Variants in MAD1L1 observed in about 807,000 individuals in gnomAD.
The protein encoded by MAD1L1 is mitotic spindle assembly checkpoint protein MAD1.
In MAD1L1, 95 loss-of-function variants were observed where a neutral mutation model predicts 96.9. The ratio of observed to expected loss-of-function variants is 0.98; its 90% confidence interval spans 0.83 to 1.16. The LOEUF (loss-of-function observed/expected upper bound fraction) is 1.16, where lower values mean the gene tolerates loss of function less well. MAD1L1 is among the 50% of genes most tolerant of loss of function. MAD1L1 has a pLI of 0.00. For synonymous variants in MAD1L1, 473 were observed against 396.6 expected (o/e 1.19, Z -2.29); for missense variants, 1,007 against 954.4 (o/e 1.06, Z -0.73).
At chr7:2,044,460 G>C (rs1783831810) in intron 12 of MAD1L1, among the ~76,000 whole-genome samples, 2 of 152,206 alleles carry the variant, frequency 1.3e-5, no homozygotes, top group Non-Finnish European at 2.9e-5. Context: ...TGGGGACGCT[G>C]TGAACACACT....
chr7:2,190,155 A>C (rs563928712), intron 10 of MAD1L1, among the ~76,000 whole-genome samples: 1 of 152,348 alleles, frequency 6.6e-6, no homozygotes, highest in Non-Finnish European at 1.5e-5. Context: ...TCTTTCAAAG[A>C]GTATTAGGAA....
chr7:1,901,796 CG>C (rs1393022449), intron 17 of MAD1L1, among the ~76,000 whole-genome samples: 1 of 152,192 alleles, frequency 6.6e-6, no homozygotes, highest in African/African-American at 2.4e-5. Flanking sequence ...CTTCCCTGCC[CG>C]GGGATGTTGA....
At chr7:1,994,959 C>T (rs909062119) in intron 14 of MAD1L1, among the ~76,000 whole-genome samples, 14 of 152,234 alleles carry the variant, frequency 9.2e-5, no homozygotes, top group Admixed American at 2.0e-4. Context: ...GGATTACAGG[C>T]GTAAGCCACC....
rs753616700 is a variant in MAD1L1, at chr7:2,002,125, C to T, written c.1360-4G>A. On this transcript the variant is annotated splice_polypyrimidine_tract_variant and splice_region_variant and intron_variant, in intron 13 of 18. Coordinates refer to ENST00000265854, the MANE Select transcript of MAD1L1 (RefSeq NM_001013836.2). ...CCAGGGCCTGCGACAGCTGAGCCTGCAAGACAAGACAGGATTCGGCCTGAG... is the reference window on the plus strand; with the variant it reads ...CCAGGGCCTGCGACAGCTGAGCCTGTAAGACAAGACAGGATTCGGCCTGAG... The T allele has an allele frequency of 6.2e-7, 1 of 1,612,804 alleles. No homozygotes were observed. Among genetic ancestry groups the T allele is most frequent in the African/African-American group, 1.3e-5 (1 of 75,064 alleles).
Position 1,901,252 on chromosome 7 carries a change from T to A in MAD1L1, c.1808-2862A>T, listed in dbSNP as rs140665829. On this transcript the variant is annotated intron_variant, in intron 17 of 18. Transcript: ENST00000265854. Reference sequence around the variant, plus strand: ...CAACGTGAATGAATAATTCACACGATGGTTTGGATTAAATAAATAAAAGAT... The same window carrying A: ...CAACGTGAATGAATAATTCACACGAAGGTTTGGATTAAATAAATAAAAGAT... Among the ~76,000 whole-genome samples the A allele has an allele frequency of 2.0e-5, 3 of 152,270 alleles. No individual in the cohort carries two copies. The East Asian group carries it at 5.8e-4, about 29-fold the overall frequency.
chr7:1,871,700 G>A (rs937669590), intron 18 of MAD1L1, among the ~76,000 whole-genome samples: 4 of 141,144 alleles, frequency 2.8e-5, no homozygotes, highest in Non-Finnish European at 6.1e-5. Flanking sequence ...CATAACACCT[G>A]CCACGCTGAA....
At chr7:1,989,517 C>G (rs376705304) in intron 14 of MAD1L1, among the ~76,000 whole-genome samples, 2 of 152,230 alleles carry the variant, frequency 1.3e-5, no homozygotes, top group African/African-American at 4.8e-5. Context: ...AGCCGCCTCA[C>G]CCTGGAAGAC....
intron 10 of MAD1L1, among the ~76,000 whole-genome samples, chr7:2,168,846 A>C (rs376459088): frequency 7.2e-5 from 11 of 152,216 alleles, no homozygotes; most frequent in Non-Finnish European, 1.3e-4. Flanking sequence ...GGGAGGACTC[A>C]GGTTTTATTC....
chr7:1,953,613 G>A (rs185301652), intron 16 of MAD1L1, among the ~76,000 whole-genome samples: 9 of 152,378 alleles, frequency 5.9e-5, no homozygotes, highest in South Asian at 2.1e-4. Context: ...CTTAAAGCGC[G>A]TCAGAAGAAT....
chr7:1,976,381 A>T (rs1780639034), intron 15 of MAD1L1, among the ~76,000 whole-genome samples: 1 of 152,158 alleles, frequency 6.6e-6, no homozygotes, highest in Admixed American at 6.5e-5. Context: ...TGGCTTCAGG[A>T]GTGAAGCTGC....
intron 10 of MAD1L1, among the ~76,000 whole-genome samples, chr7:2,181,312 T>C (rs944920018): frequency 6.6e-6 from 1 of 152,288 alleles, no homozygotes. Context: ...AGTTGTTTTT[T>C]ACTTGTTTCA....
chr7:2,183,908 T>TA (rs1379303493), intron 10 of MAD1L1, among the ~76,000 whole-genome samples: 1 of 150,638 alleles, frequency 6.6e-6, no homozygotes, highest in African/African-American at 2.4e-5. Flanking sequence ...ATAATAATAA[T>TA]AAAAAAATAA....
chr7:2,049,981 C>T (rs185817818), intron 12 of MAD1L1, among the ~76,000 whole-genome samples: 2 of 150,720 alleles, frequency 1.3e-5, no homozygotes, highest in Non-Finnish European at 3.0e-5. Flanking sequence ...CCAGACCACA[C>T]GTTCACAGGG....
chr7:2,155,324 A>G (rs532897839), intron 10 of MAD1L1, among the ~76,000 whole-genome samples: 3 of 152,360 alleles, frequency 2.0e-5, no homozygotes, highest in East Asian at 1.9e-4. Context: ...TACACTTAAC[A>G]TAAAATATAC....
chr7:2,054,855 C>T (rs1304675564), intron 12 of MAD1L1, among the ~76,000 whole-genome samples: 1 of 152,218 alleles, frequency 6.6e-6, no homozygotes, highest in Non-Finnish European at 1.5e-5. Context: ...TCGGCTGGGC[C>T]GTGCCCTCGC....
At chr7:1,901,927 G>A (rs554531960) in intron 17 of MAD1L1, among the ~76,000 whole-genome samples, 37 of 152,194 alleles carry the variant, frequency 2.4e-4, no homozygotes, top group Non-Finnish European at 2.8e-4. Context: ...GGGCAGAACC[G>A]GCCCTCTTAG....
intron 12 of MAD1L1, among the ~76,000 whole-genome samples, chr7:2,023,364 A>T (rs1344631750): frequency 1.3e-5 from 2 of 152,268 alleles, no homozygotes; most frequent in Admixed American, 1.3e-4. Flanking sequence ...TTAAACTGGA[A>T]ATCAGTAACA....
At chr7:1,861,064 C>G (rs558446242) in intron 18 of MAD1L1, among the ~76,000 whole-genome samples, 2 of 152,362 alleles carry the variant, frequency 1.3e-5, no homozygotes, top group South Asian at 4.1e-4. Flanking sequence ...GTCTGTACCG[C>G]ACAAGTCCCA....
At position 2,042,082 on chromosome 7, in the gene MAD1L1, C is replaced by T. The variant is rs536241975; in HGVS notation, c.1218+27112G>A. On this transcript the variant is annotated intron_variant, in intron 12 of 18. Transcript: ENST00000265854. ...ACAGATGCACGTACACACATATGTACACACACATCCACACACGCACATGTG... is the reference window on the plus strand; with the variant it reads ...ACAGATGCACGTACACACATATGTATACACACATCCACACACGCACATGTG... 1.1e-4 allele frequency among the ~76,000 whole-genome samples: 16 copies of T among 150,734 alleles called. No homozygotes were observed. In the East Asian group the frequency reaches 3.1e-3, roughly 29 times the overall value.
Sources: gnomAD v4.1 joint callset for allele counts (sites outside exome capture counted in the v4.1 genomes callset) on GRCh38, gnomAD v4.1.1 for gene constraint, MANE v1.5 for transcripts, NCBI Gene and HGNC (gene_info 2026-07-23, HGNC 2026-07-21) for gene names.